The following MSI1 variants were observed in gnomAD, a reference collection of about 807,000 sequenced individuals.
MSI1 encodes RNA-binding protein Musashi homolog 1.
Under a neutral mutation model 54.4 loss-of-function variants are expected in MSI1, and 15 were observed. That is an observed-to-expected ratio of 0.28 (90% confidence interval 0.18 to 0.42). The LOEUF (loss-of-function observed/expected upper bound fraction) is 0.42, where lower values mean the gene tolerates loss of function less well. Among genes scored for constraint, MSI1 ranks in the 20% least tolerant of loss-of-function variants. The pLI, the probability that MSI1 is intolerant of heterozygous loss-of-function variation, is 1.00. For synonymous variants in MSI1, 200 were observed against 196.5 expected, an observed-to-expected ratio of 1.02 and a Z score of -0.15; for missense variants, 304 against 506.0, an observed-to-expected ratio of 0.60 and a Z score of 3.83.
At chr12:120,346,033 T>TC (rs59233655) in intron 13 of MSI1, 102 bp downstream of exon 13, 60,769 of 1,062,734 alleles carry the variant, frequency 0.057, 2,236 homozygotes, top group Admixed American at 0.17. Flanking sequence ...TCCCTCACCC[T>TC]CCTTTTGCCC....
intron 5 of MSI1, among the ~76,000 whole-genome samples, chr12:120,363,764 T>G (rs1237547605): frequency 6.6e-6 from 1 of 152,216 alleles, no homozygotes; most frequent in African/African-American, 2.4e-5. Context: ...CCATAATTGC[T>G]TTCAGGCCCT....
At position 120,368,239 on chromosome 12, in the gene MSI1, C is replaced by T. The variant is rs749846717; in HGVS notation, c.135G>A (p.Glu45=). 1 of 1,587,018 alleles carries T rather than the reference C, an allele frequency of 6.3e-7. No homozygotes were observed. Among genetic ancestry groups the T allele is most frequent in the Admixed American group, 1.8e-5 (1 of 57,062 alleles). Residue 45 remains glutamate (E), a synonymous_variant, in exon 3 of 15, where the codon GAG becomes GAA. Coordinates refer to ENST00000257552, the MANE Select transcript of MSI1 (RefSeq NM_002442.4). The surrounding 1 kb of genome is among the most constrained non-coding windows in gnomAD (Gnocchi z 6.6). ...GLREYFGQFG[E]VKECLVMRDP... ...CCCGCATCACCAGACACTCCTTCAC[C>T]TCCCCGAACTGGCCGAAGTATTCGC...
chr12:120,344,679 C>A (rs1162934503), intron 14 of MSI1, among the ~76,000 whole-genome samples: 2 of 151,800 alleles, frequency 1.3e-5, no homozygotes, highest in African/African-American at 2.4e-5. Flanking sequence ...TGCACTCCAG[C>A]CTGGGTGGCA....
At chr12:120,367,893 A>C in intron 4 of MSI1, 115 bp downstream of exon 4, 2 of 1,069,694 alleles carry the variant, frequency 1.9e-6, no homozygotes, top group Non-Finnish European at 1.3e-6. Context: ...TTACTCAGAA[A>C]AACTCCCTCC....
At chr12:120,344,305 T>C (rs544706161) in intron 14 of MSI1, among the ~76,000 whole-genome samples, 56 of 152,340 alleles carry the variant, frequency 3.7e-4, no homozygotes, top group African/African-American at 1.3e-3. Context: ...GCATGAATGT[T>C]TGAAACTGGG....
At position 120,368,363 on chromosome 12, in the gene MSI1, C is replaced by T; in HGVS notation, c.101-90G>A. 7.3e-7 allele frequency: 1 copy of T among 1,371,608 alleles called. No individual in the cohort carries two copies. Among genetic ancestry groups the T allele is most frequent in the Non-Finnish European group, 9.8e-7 (1 of 1,015,854 alleles). 85.0% of individuals were successfully genotyped at this position (1,371,608 alleles called of 1,614,324 possible). A position where few individuals can be genotyped will look rare whatever the true frequency, so the allele number is the denominator to read the frequency against. On this transcript the variant is annotated intron_variant, in intron 2 of 14. Coordinates refer to ENST00000257552, the MANE Select transcript of MSI1 (RefSeq NM_002442.4). This position sits in a 1 kb window ranked among gnomAD's most constrained non-coding sequence, Gnocchi z 6.6. ...TGCCCCCGGTGACCCCGGAGCGGCC[C>T]GGCCGCCCCCGCGCCAAGCTGCCCG...
chr12:120,349,091 C>G (rs534352098), intron 11 of MSI1, among the ~76,000 whole-genome samples: 1 of 135,860 alleles, frequency 7.4e-6, no homozygotes, highest in East Asian at 2.2e-4. Flanking sequence ...TCTTGTTTTA[C>G]TTGATTTTTT....
rs1451229455 is a variant in MSI1 at position 120,359,873 on chromosome 12, C to G, written c.403-820G>C. Among the ~76,000 whole-genome samples, 4 of 152,232 alleles carry G rather than the reference C, an allele frequency of 2.6e-5. No individual in the cohort carries two copies. In the East Asian group the frequency reaches 7.7e-4, roughly 29 times the overall value. Reference sequence around the variant, plus strand: ...TCCTACTCCAGGCCCCAACCCTCCCCCAAATGACCAGACATCCAAAGGATT... The same window carrying G: ...TCCTACTCCAGGCCCCAACCCTCCCGCAAATGACCAGACATCCAAAGGATT... On this transcript the variant is annotated intron_variant, in intron 6 of 14. Transcript: ENST00000257552.
chr12:120,340,952 C>A (rs1361089405), downstream of MSI1, among the ~76,000 whole-genome samples: 1 of 139,368 alleles, frequency 7.2e-6, no homozygotes, highest in African/African-American at 2.7e-5. Flanking sequence ...GTGGCATGAT[C>A]TCAGCTCACC....
At chr12:120,348,735 AAAAC>A (rs1265186719) in intron 11 of MSI1, among the ~76,000 whole-genome samples, 1 of 151,838 alleles carries the variant, frequency 6.6e-6, no homozygotes, top group East Asian at 1.9e-4. Flanking sequence ...CAAAAAACAA[AAAAC>A]AAAATTAGCC....
At chr12:120,346,351 G>A in intron 12 of MSI1, 29 bp from the exon 13 acceptor site, 1 of 1,478,976 alleles carries the variant, frequency 6.8e-7, no homozygotes, top group Non-Finnish European at 9.0e-7. Flanking sequence ...GACGGTGATA[G>A]CCCTGGTGCC....
Position 120,356,914 on chromosome 12 carries a change from T to C in MSI1, c.640A>G (p.Ile214Val). ...PYGMDAFMLG[I>V]GMLGYPGFQA... ...GGCTCGCGCATACCCAGCATGCCGA[T>C]GCCCAGCATGAAGGCGTCCATTCCG... The change falls in exon 9 of 15, where the codon ATC becomes GTC. Residue 214 changes from isoleucine to valine, a missense_variant. Transcript: ENST00000257552. 3 of 1,613,952 alleles carry C rather than the reference T, an allele frequency of 1.9e-6. No individual in the cohort carries two copies. The South Asian group carries it at 3.3e-5, about 18-fold the overall frequency.
chr12:120,351,828 C>A (rs1396444500), intron 10 of MSI1, among the ~76,000 whole-genome samples: 2 of 151,062 alleles, frequency 1.3e-5, no homozygotes, highest in Non-Finnish European at 3.0e-5. Flanking sequence ...CCTGCCTCAG[C>A]CTCCCAAGAA....
At chr12:120,346,376 G>A (rs757159935) in intron 12 of MSI1, 54 bp from the exon 13 acceptor site, 56 of 1,446,220 alleles carry the variant, frequency 3.9e-5, no homozygotes, top group Middle Eastern at 2.3e-4. Context: ...GCCACCCCAC[G>A]GCACCCCCTC....
chr12:120,348,140 G>A (rs1286150843), intron 11 of MSI1, among the ~76,000 whole-genome samples: 2 of 150,798 alleles, frequency 1.3e-5, no homozygotes, highest in African/African-American at 2.4e-5. Flanking sequence ...AATGACCACT[G>A]CCTCCCCCAA....
At position 120,363,106 on chromosome 12, in the gene MSI1, C is replaced by G. The variant is rs147631271; in HGVS notation, c.339G>C (p.Val113=). 108 of 1,614,142 alleles carry G rather than the reference C, an allele frequency of 6.7e-5. No homozygotes were observed. The highest frequency in any genetic ancestry group is 8.8e-5 in the Non-Finnish European group (104 of 1,180,020). The change falls in exon 6 of 15, where the codon GTG becomes GTC. Residue 113 remains valine (V), a synonymous_variant. Coordinates refer to ENST00000257552, the MANE Select transcript of MSI1 (RefSeq NM_002442.4). ...CCGTGGTGTTCACCGACAGCCCCCC[C>G]ACAAAGATCTTCTTCGTTCGAGTCA... ...KMVTRTKKIF[V]GGLSVNTTVE... is the part of the protein sequence containing the mutation.
At chr12:120,358,966 C>CG in intron 7 of MSI1, 39 bp downstream of exon 7, 1 of 1,557,824 alleles carries the variant, frequency 6.4e-7, no homozygotes, top group Non-Finnish European at 8.7e-7. Flanking sequence ...TGGCTGACCA[C>CG]GGGGCCCAGC....
At chr12:120,349,994 C>T (rs1055003851) in intron 11 of MSI1, among the ~76,000 whole-genome samples, 2 of 152,304 alleles carry the variant, frequency 1.3e-5, no homozygotes, top group African/African-American at 4.8e-5. Flanking sequence ...GTCTTATCCC[C>T]GCTCTGTCCC....
At chr12:120,350,090 T>G (rs112615620) in intron 11 of MSI1, among the ~76,000 whole-genome samples, 1,868 of 152,264 alleles carry the variant, frequency 0.012, 20 homozygotes, top group South Asian at 0.023. Context: ...GATGCAATCA[T>G]GGCTCACCGC....
Sources: gnomAD v4.1 joint callset for allele counts (sites outside exome capture counted in the v4.1 genomes callset) on GRCh38, gnomAD v4.1.1 for gene constraint, Gnocchi (gnomAD v3.1) non-coding constraint, MANE v1.5 for transcripts, NCBI Gene and HGNC (gene_info 2026-07-23, HGNC 2026-07-21) for gene names.